The following MSH3 variants were observed in gnomAD, a reference collection of about 807,000 sequenced individuals.
MSH3 encodes DNA mismatch repair protein Msh3.
MSH3 carries 106 observed loss-of-function variants against 123.3 expected under a neutral mutation model. That is an observed-to-expected ratio of 0.86 (90% CI 0.73 to 1.01). The LOEUF is 1.01. Ranked by LOEUF, MSH3 falls within the 50% of genes least tolerant of loss-of-function variation. The pLI is 0.00. For synonymous variants in MSH3, 515 were observed against 481.4 expected, an observed-to-expected ratio of 1.07 and a Z score of -0.91; for missense variants, 1,459 against 1,347.6, an observed-to-expected ratio of 1.08 and a Z score of -1.29.
chr5:80,744,615 G>A lies in MSH3; in HGVS notation c.1763G>A (p.Arg588Lys). The change falls in exon 12 of 24, where the codon AGG becomes AAG. Residue 588 changes from arginine (R) to lysine (K), a missense_variant and splice_region_variant. By Grantham distance (26) the Arg-to-Lys change is conservative (BLOSUM62 2). Transcript: ENST00000265081. Reference protein sequence around the residue: ...KWVTQPLLKLREINARLDAVS... With the variant: ...KWVTQPLLKLKEINARLDAVS... Reference sequence around the variant, plus strand: ...GTGACCCAGCCACTCCTTAAATTAAGGTAAAAGGAATTCTTTTTGGGGTGT... The same window carrying A: ...GTGACCCAGCCACTCCTTAAATTAAAGTAAAAGGAATTCTTTTTGGGGTGT... 2 of 1,604,782 alleles carry A rather than the reference G, an allele frequency of 1.2e-6. No individual in the cohort carries two copies. The highest frequency in any genetic ancestry group is 1.1e-5 in the South Asian group (1 of 90,654).
chr5:80,682,260 A>T (rs776319039), intron 8 of MSH3, among the ~76,000 whole-genome samples: 40 of 152,280 alleles, frequency 2.6e-4, no homozygotes, highest in South Asian at 2.5e-3. Context: ...TGAGTAAGTT[A>T]TCTACTGTAT....
chr5:80,674,520 G>T (rs866291634), intron 6 of MSH3, among the ~76,000 whole-genome samples: 32 of 152,280 alleles, frequency 2.1e-4, no homozygotes, highest in Middle Eastern at 3.4e-3. Context: ...AAGTGATGAA[G>T]TGGGTTGATA....
At chr5:80,778,862 T>C (rs1351835493) in intron 17 of MSH3, 26 bp downstream of exon 17, 3 of 1,293,684 alleles carry the variant, frequency 2.3e-6, no homozygotes, top group Non-Finnish European at 3.4e-6. Flanking sequence ...AAAAATATAA[T>C]CTGACTTTTT....
intron 12 of MSH3, among the ~76,000 whole-genome samples, chr5:80,756,248 G>GAA (rs937361940): frequency 6.6e-6 from 1 of 151,922 alleles, no homozygotes; most frequent in African/African-American, 2.4e-5. Flanking sequence ...AAGAAAGAAA[G>GAA]AAAAGAAAAC....
intron 10 of MSH3, 22 bp downstream of exon 10, chr5:80,728,987 A>T (rs935285843): frequency 1.7e-5 from 21 of 1,270,750 alleles, no homozygotes; most frequent in Non-Finnish European, 2.3e-5. Context: ...CTCCAAAATT[A>T]AAAAAAGGGG....
chr5:80,843,080 C>A (rs1000013862), intron 20 of MSH3, among the ~76,000 whole-genome samples: 2 of 152,082 alleles, frequency 1.3e-5, no homozygotes, highest in African/African-American at 2.4e-5. Context: ...TACATTCCAT[C>A]AATATCTAGT....
At chr5:80,771,018 A>G (rs1343919228) in intron 15 of MSH3, among the ~76,000 whole-genome samples, 1 of 152,180 alleles carries the variant, frequency 6.6e-6, no homozygotes. Context: ...TTGAGGAACA[A>G]AGTTTCTTCG....
chr5:80,798,101 T>TAGATC, intron 19 of MSH3, among the ~76,000 whole-genome samples: 1 of 149,662 alleles, frequency 6.7e-6, no homozygotes, highest in East Asian at 2.0e-4. Context: ...TCTCAGTTTG[T>TAGATC]TGGGTGGGAA....
intron 20 of MSH3, among the ~76,000 whole-genome samples, chr5:80,819,298 G>T (rs1745159184): frequency 6.6e-6 from 1 of 151,494 alleles, no homozygotes; most frequent in Non-Finnish European, 1.5e-5. Context: ...AAAAACATAT[G>T]TATATATAGG....
At chr5:80,706,010 C>CG (rs1361331595) in intron 8 of MSH3, among the ~76,000 whole-genome samples, 1 of 152,088 alleles carries the variant, frequency 6.6e-6, no homozygotes, top group African/African-American at 2.4e-5. Context: ...CTCCTCAGTC[C>CG]GTTTGTGCCT....
chr5:80,810,994 G>A (rs1247722003), intron 19 of MSH3, among the ~76,000 whole-genome samples: 1 of 151,828 alleles, frequency 6.6e-6, no homozygotes, highest in Non-Finnish European at 1.5e-5. Flanking sequence ...GGATTTCAGA[G>A]CATTTTAGAT....
At chr5:80,740,546 C>T (rs1040674322) in intron 10 of MSH3, among the ~76,000 whole-genome samples, 1 of 151,564 alleles carries the variant, frequency 6.6e-6, no homozygotes, top group Non-Finnish European at 1.5e-5. Flanking sequence ...TTAGTAGAGA[C>T]GGGGTTTCAT....
intron 8 of MSH3, among the ~76,000 whole-genome samples, chr5:80,706,109 C>T (rs1361572062): frequency 1.3e-5 from 2 of 152,134 alleles, no homozygotes; most frequent in African/African-American, 4.8e-5. Context: ...ATTCATTGAG[C>T]TATGAACTCC....
chr5:80,786,723 TACAG>T (rs1363893927), intron 17 of MSH3, among the ~76,000 whole-genome samples: 2 of 152,172 alleles, frequency 1.3e-5, no homozygotes, highest in East Asian at 3.8e-4. Context: ...GATCACTACA[TACAG>T]ATGTCCACAA....
chr5:80,677,730 C>T (rs1327861231), intron 7 of MSH3, among the ~76,000 whole-genome samples: 3 of 152,150 alleles, frequency 2.0e-5, no homozygotes, highest in African/African-American at 7.2e-5. Flanking sequence ...CCACCTTAAA[C>T]GTTATATACA....
At chr5:80,874,851 G>T (rs1746278857) in intron 23 of MSH3, among the ~76,000 whole-genome samples, 1 of 152,148 alleles carries the variant, frequency 6.6e-6, no homozygotes, top group South Asian at 2.1e-4. Flanking sequence ...ACTCTATGAA[G>T]TTATCTTGAC....
At chr5:80,867,542 C>A (rs1373061309) in intron 22 of MSH3, among the ~76,000 whole-genome samples, 3 of 152,126 alleles carry the variant, frequency 2.0e-5, no homozygotes, top group Non-Finnish European at 4.4e-5. Context: ...CTGGAGCTGG[C>A]TTTGAAGACC....
intron 22 of MSH3, among the ~76,000 whole-genome samples, chr5:80,870,275 T>C (rs1438277016): frequency 6.6e-6 from 1 of 151,816 alleles, no homozygotes; most frequent in Non-Finnish European, 1.5e-5. Context: ...GATGGATGGA[T>C]AGATGGACAG....
At chr5:80,744,382 T>G (rs757452985) in intron 11 of MSH3, 124 bp from the exon 12 acceptor site, 2 of 690,430 alleles carry the variant, frequency 2.9e-6, no homozygotes, top group Non-Finnish European at 2.6e-6. Flanking sequence ...AAACATTAAA[T>G]GAACACCTGT....
Sources: allele counts gnomAD v4.1 joint callset (sites outside exome capture counted in the v4.1 genomes callset), GRCh38; gene constraint gnomAD v4.1.1; transcripts MANE v1.5; gene names NCBI Gene and HGNC (gene_info 2026-07-23, HGNC 2026-07-21).